DOCK3: variants seen among roughly 807,000 people sequenced by gnomAD.
DOCK3 encodes dedicator of cytokinesis 3, also known as dedicator of cytokinesis protein 3.
In DOCK3, 60 loss-of-function variants were observed where a neutral mutation model predicts 265.6. The observed-to-expected ratio is 0.23, with a 90% CI of 0.18 to 0.28. DOCK3 has a LOEUF of 0.28. Among genes scored for constraint, DOCK3 ranks in the 10% least tolerant of loss-of-function variants. The pLI is 1.00. For missense variants in DOCK3, 1,981 were observed against 2,594.3 expected (o/e 0.76, Z 5.14); for synonymous variants, 881 against 938.0 (o/e 0.94, Z 1.11).
chr3:50,975,556 A>C (rs1328553492), intron 5 of DOCK3, among the ~76,000 whole-genome samples: 1 of 151,464 alleles, frequency 6.6e-6, no homozygotes, highest in Non-Finnish European at 1.5e-5. Context: ...TATTTTATTG[A>C]GGATTTTTGC....
chr3:50,691,977 C>T (rs935339536), intron 1 of DOCK3, among the ~76,000 whole-genome samples: 90 of 150,504 alleles, frequency 6.0e-4, no homozygotes, highest in Non-Finnish European at 1.1e-3. Context: ...TGCAGTGGCA[C>T]GATCATAGCT....
chr3:51,374,627 G>A lies in DOCK3; in HGVS notation c.5412+40G>A. On this transcript the variant is annotated intron_variant, in intron 50 of 52. Transcript: ENST00000266037. The surrounding 1 kb of genome is among the most constrained non-coding windows in gnomAD (Gnocchi z 4.8). ...ACACTGACTGTCCTCTGCTGCAAGT[G>A]TGTTAGCCTGTGCTTCCCTCCTTGC... 6.5e-7 allele frequency: 1 copy of A among 1,549,170 alleles called. No homozygotes were observed.
chr3:50,879,125 G>A (rs566741370), intron 3 of DOCK3, among the ~76,000 whole-genome samples: 1 of 152,282 alleles, frequency 6.6e-6, no homozygotes, highest in African/African-American at 2.4e-5. Flanking sequence ...GCTCCTGAAG[G>A]AAGCACTAAA....
chr3:50,691,439 C>G (rs896767075), intron 1 of DOCK3, among the ~76,000 whole-genome samples: 13 of 152,090 alleles, frequency 8.5e-5, no homozygotes, highest in African/African-American at 3.1e-4. Flanking sequence ...TATGGGTATA[C>G]CACATTTTGT....
chr3:51,057,556 G>A (rs1471769003), intron 5 of DOCK3, among the ~76,000 whole-genome samples: 1 of 152,188 alleles, frequency 6.6e-6, no homozygotes, highest in African/African-American at 2.4e-5. Context: ...AAGTAGAAAA[G>A]GATTGTTTTT....
At chr3:51,212,174 C>A (rs1463980982) in intron 13 of DOCK3, among the ~76,000 whole-genome samples, 1 of 152,156 alleles carries the variant, frequency 6.6e-6, no homozygotes, top group African/African-American at 2.4e-5. Flanking sequence ...TCTTTGCATG[C>A]CTTTTCATTT....
intron 12 of DOCK3, among the ~76,000 whole-genome samples, chr3:51,187,262 A>G (rs1475465872): frequency 2.0e-5 from 3 of 152,184 alleles, no homozygotes; most frequent in Non-Finnish European, 2.9e-5. Flanking sequence ...GTAAGATTTG[A>G]CTGCCTCACT....
At chr3:51,266,246 A>G (rs2080158288) in intron 23 of DOCK3, among the ~76,000 whole-genome samples, 1 of 152,196 alleles carries the variant, frequency 6.6e-6, no homozygotes. Context: ...GAAAATGGCC[A>G]TACTGCCCAA....
chr3:51,328,005 T>TC (rs1394447590), intron 32 of DOCK3, among the ~76,000 whole-genome samples: 2 of 152,092 alleles, frequency 1.3e-5, no homozygotes, highest in Non-Finnish European at 2.9e-5. Context: ...CTTTGCCTAA[T>TC]ACAAAGTTCA....
chr3:51,249,396 G>A (rs1474793425), intron 22 of DOCK3, among the ~76,000 whole-genome samples: 5 of 134,274 alleles, frequency 3.7e-5, no homozygotes, highest in Admixed American at 7.1e-5. Flanking sequence ...CCCCCCGCCC[G>A]GCCAGCCGCC....
intron 2 of DOCK3, among the ~76,000 whole-genome samples, chr3:50,793,358 C>CTTTTTTTTTTTTT (rs568370017): frequency 3.8e-5 from 5 of 130,798 alleles, no homozygotes; most frequent in Admixed American, 7.7e-5. Context: ...TTTTCTTTTT[C>CTTTTTTTTTTTTT]TTTTTTTTTT....
At chr3:51,057,390 T>C (rs2081244885) in intron 5 of DOCK3, among the ~76,000 whole-genome samples, 1 of 152,228 alleles carries the variant, frequency 6.6e-6, no homozygotes, top group Non-Finnish European at 1.5e-5. Flanking sequence ...GTTGCTAAGA[T>C]GAGCTATACA....
In DOCK3 at chr3:51,090,263, T is replaced by C; in HGVS notation, c.625T>C (p.Cys209Arg). The C allele has an allele frequency of 6.3e-7, 1 of 1,597,526 alleles. No individual in the cohort carries two copies. Residue 209 changes from cysteine (C) to arginine (R), a missense_variant, in exon 9 of 53, where the codon TGT becomes CGT. Cys to Arg is a radical substitution (Grantham distance 180). Transcript: ENST00000266037. ...DTMRPRHGET[C>R]RMPVPHHFFL... ...AATGCGCCCACGTCATGGGGAAACA[T>C]GTCGGATGCCAGTGCCACATCACTT...
intron 12 of DOCK3, among the ~76,000 whole-genome samples, chr3:51,201,339 G>C (rs1357931270): frequency 2.6e-5 from 4 of 151,518 alleles, no homozygotes; most frequent in Non-Finnish European, 5.9e-5. Flanking sequence ...GATCTACCAA[G>C]CAAATGGAAA....
chr3:51,316,001 T>C (rs190627796), intron 32 of DOCK3, among the ~76,000 whole-genome samples: 2 of 152,364 alleles, frequency 1.3e-5, no homozygotes, highest in Admixed American at 1.3e-4. Context: ...TAAATATTTA[T>C]TTATTTTTAA....
At chr3:50,817,793 T>G (rs776956198) in intron 2 of DOCK3, among the ~76,000 whole-genome samples, 2 of 152,204 alleles carry the variant, frequency 1.3e-5, no homozygotes, top group African/African-American at 2.4e-5. Flanking sequence ...TGCTAAAGGC[T>G]TTGTTTAAAT....
At chr3:50,780,788 T>G (rs1040070705) in intron 2 of DOCK3, among the ~76,000 whole-genome samples, 1 of 152,162 alleles carries the variant, frequency 6.6e-6, no homozygotes, top group Non-Finnish European at 1.5e-5. Flanking sequence ...TCTTTTTATC[T>G]AGTTGTAATT....
In DOCK3 at chr3:50,698,517, GT is replaced by G; in HGVS notation, c.37+23242del. Among the ~76,000 whole-genome samples the G allele has an allele frequency of 2.8e-3, 54 of 19,510 alleles. 1 individual carries two copies. In the South Asian group the frequency reaches 0.073, roughly 26 times the overall value. The allele number at this position is 19,510 out of a possible 152,430, so 12.8% of individuals were successfully genotyped here. A position where few individuals can be genotyped will look rare whatever the true frequency, so the allele number is the denominator to read the frequency against. On this transcript the variant is annotated intron_variant, in intron 1 of 52. Transcript: ENST00000266037. ...GTTTCTCTGTGGATGTATGTTTTTG[GT>G]TTTTTTTTTTTTTTTTTTTTTTTTG...
At chr3:50,851,565 G>C (rs932771636) in intron 3 of DOCK3, among the ~76,000 whole-genome samples, 13 of 152,158 alleles carry the variant, frequency 8.5e-5, no homozygotes, top group Admixed American at 5.2e-4. Context: ...TTCTGCCTGA[G>C]AGTGGAATGG....
Sources: gnomAD v4.1 joint callset for allele counts (sites outside exome capture counted in the v4.1 genomes callset) on GRCh38, gnomAD v4.1.1 for gene constraint, Gnocchi (gnomAD v3.1) non-coding constraint, MANE v1.5 for transcripts, NCBI Gene and HGNC (gene_info 2026-07-23, HGNC 2026-07-21) for gene names.